MMD: variants seen among roughly 807,000 people sequenced by gnomAD.
MMD encodes the protein monocyte to macrophage differentiation factor.
Under a neutral mutation model 33.6 loss-of-function variants are expected in MMD, and 22 were observed. That is an observed-to-expected ratio of 0.66 (90% CI 0.47 to 0.94). The LOEUF (loss-of-function observed/expected upper bound fraction) is 0.94. MMD is among the 40% of genes least tolerant of loss of function. The probability of loss-of-function intolerance (pLI) is 0.00; values close to 1 mark genes in which losing one functional copy is unlikely to be tolerated. For missense variants in MMD, 242 were observed against 309.8 expected (o/e 0.78, Z 1.64); for synonymous variants, 97 against 103.2 (o/e 0.94, Z 0.36).
chr17:55,421,180 A>T (rs1363096091), intron 1 of MMD, among the ~76,000 whole-genome samples: 5 of 152,030 alleles, frequency 3.3e-5, no homozygotes, highest in Non-Finnish European at 7.4e-5. Context: ...AATGCCTAGC[A>T]CCCCGCTTTA....
chr17:55,411,285 T>C lies in MMD; in HGVS notation c.241A>G (p.Ile81Val). The C allele has an allele frequency of 6.2e-7, 1 of 1,613,602 alleles. No homozygotes were observed. The highest frequency in any genetic ancestry group is 8.5e-7 in the Non-Finnish European group (1 of 1,179,862). ...ALFIVSTVFH[I>V]VSWKKSHLRT... ...AAGTGGCTCTTTTTCCATGATACAA[T>C]GTGAAATACTGTAGAAACGATGAAG... The change falls in exon 3 of 7, where the codon ATT becomes GTT. Residue 81 changes from isoleucine to valine, a missense_variant. Physicochemically the swap from Ile to Val is conservative, Grantham distance 29. Transcript: ENST00000262065.
intron 1 of MMD, among the ~76,000 whole-genome samples, chr17:55,414,471 C>G (rs956013826): frequency 6.6e-6 from 1 of 150,508 alleles, no homozygotes; most frequent in Non-Finnish European, 1.5e-5. Context: ...AAAAGAAAAA[C>G]CTTCCATAAC....
At chr17:55,402,763 A>G (rs1411849178) in intron 5 of MMD, among the ~76,000 whole-genome samples, 1 of 152,236 alleles carries the variant, frequency 6.6e-6, no homozygotes, top group Non-Finnish European at 1.5e-5. Flanking sequence ...CAAGAAGCAA[A>G]CCATTCCCTT....
At chr17:55,414,323 C>G (rs1051951885) in intron 1 of MMD, 91 bp from the exon 2 acceptor site, 1 of 1,196,878 alleles carries the variant, frequency 8.4e-7, no homozygotes, top group African/African-American at 1.5e-5. Flanking sequence ...GTCTATTCTA[C>G]GCAAAGAAGT....
At chr17:55,407,086 T>G (rs1473505141) in intron 4 of MMD, among the ~76,000 whole-genome samples, 1 of 151,968 alleles carries the variant, frequency 6.6e-6, no homozygotes, top group Non-Finnish European at 1.5e-5. Context: ...CCCAGCACTT[T>G]GGGAGATCAA....
intron 6 of MMD, 152 bp from the exon 7 acceptor site, chr17:55,394,686 A>T (rs2143111747): frequency 1.5e-6 from 1 of 676,060 alleles, no homozygotes; most frequent in Middle Eastern, 4.4e-4. Context: ...AACCAAACAT[A>T]AAAAAAGTCT....
Position 55,411,391 on chromosome 17 carries a change from GC to G in MMD, c.134del (p.Gly45AlafsTer16). On this transcript the variant is annotated frameshift_variant, in exon 3 of 7. Transcript: ENST00000262065. LOFTEE classifies it high-confidence loss of function. ...CAGACAGCCGATGGAGGAGGGCACT[GC>G]CCACGATGGCCGGAACAATGAGGAA... ...HAFLIVPAIV[G>X]SALLHRLSDD... 6.2e-7 allele frequency: 1 copy of G among 1,613,622 alleles called. No individual in the cohort carries two copies. Among genetic ancestry groups the G allele is most frequent in the Non-Finnish European group, 8.5e-7 (1 of 1,179,854 alleles).
chr17:55,419,774 A>G (rs909196072), intron 1 of MMD, among the ~76,000 whole-genome samples: 11 of 152,248 alleles, frequency 7.2e-5, no homozygotes, highest in African/African-American at 2.7e-4. Flanking sequence ...AAATCTTCAA[A>G]GAAAATCAGG....
chr17:55,405,277 G>T (rs1907498164), intron 4 of MMD, among the ~76,000 whole-genome samples: 1 of 151,824 alleles, frequency 6.6e-6, no homozygotes, highest in Non-Finnish European at 1.5e-5. Context: ...GGCTGACGCA[G>T]GAGAATCTCT....
chr17:55,400,240 A>T (rs1907273261), intron 6 of MMD, among the ~76,000 whole-genome samples: 1 of 152,196 alleles, frequency 6.6e-6, no homozygotes, highest in Non-Finnish European at 1.5e-5. Context: ...ACCAGGAAAA[A>T]AACTATCACA....
intron 1 of MMD, among the ~76,000 whole-genome samples, chr17:55,421,461 C>T (rs1908185239): frequency 6.6e-6 from 1 of 152,180 alleles, no homozygotes; most frequent in Non-Finnish European, 1.5e-5. Flanking sequence ...GAGGGGAGAC[C>T]CGGGTGAGGC....
chr17:55,418,544 G>A (rs759182641), intron 1 of MMD, among the ~76,000 whole-genome samples: 3 of 152,264 alleles, frequency 2.0e-5, no homozygotes, highest in East Asian at 1.9e-4. Context: ...CCAAGACAAC[G>A]GATATTCCAA....
At chr17:55,406,498 T>C (rs758416993) in intron 4 of MMD, among the ~76,000 whole-genome samples, 39 of 148,908 alleles carry the variant, frequency 2.6e-4, no homozygotes, top group Non-Finnish European at 3.9e-4. Flanking sequence ...GAGGTGGAGG[T>C]TGCATGAGCT....
intron 1 of MMD, among the ~76,000 whole-genome samples, chr17:55,415,439 C>T (rs1907930448): frequency 6.6e-6 from 1 of 152,062 alleles, no homozygotes; most frequent in South Asian, 2.1e-4. Flanking sequence ...GTATTTTGTG[C>T]CACTAATGAG....
At chr17:55,421,005 C>A (rs924421760) in intron 1 of MMD, among the ~76,000 whole-genome samples, 1 of 152,218 alleles carries the variant, frequency 6.6e-6, no homozygotes, top group South Asian at 2.1e-4. Flanking sequence ...CACAGCAGGT[C>A]TCGCCACCCG....
chr17:55,407,327 T>C (rs7220869), intron 4 of MMD, among the ~76,000 whole-genome samples: 4,125 of 151,000 alleles, frequency 0.027, 203 homozygotes, highest in African/African-American at 0.096. Flanking sequence ...AATAAATAAA[T>C]AAATAAATAA....
chr17:55,407,715 T>C (rs748299202), intron 4 of MMD, 31 bp downstream of exon 4: 27 of 1,574,208 alleles, frequency 1.7e-5, no homozygotes, highest in Non-Finnish European at 2.3e-5. Context: ...ATAAAATCAC[T>C]ACCTTCGAAA....
Position 55,393,193 on chromosome 17 carries a change from T to G in MMD, c.*1141A>C, listed in dbSNP as rs569969362. The G allele has an allele frequency of 6.6e-6, 1 of 151,070 alleles. No homozygotes were observed. The highest frequency in any genetic ancestry group is 2.4e-5 in the African/African-American group (1 of 41,010). The allele number at this position is 151,070 out of a possible 1,614,324, so 9.4% of individuals were successfully genotyped here. ...CTCCACTGAGCCAGGATATAACTCA[T>G]GGACTACAGATACATGAGTTTCTAC... On this transcript the variant is annotated 3_prime_UTR_variant, in exon 7 of 7. Coordinates refer to ENST00000262065, the MANE Select transcript of MMD (RefSeq NM_012329.3).
intron 4 of MMD, among the ~76,000 whole-genome samples, chr17:55,406,682 C>T (rs976468005): frequency 6.6e-6 from 1 of 151,556 alleles, no homozygotes; most frequent in Non-Finnish European, 1.5e-5. Flanking sequence ...GAGTTCGATA[C>T]CAACCTGGTA....
Sources: gnomAD v4.1 joint callset for allele counts (sites outside exome capture counted in the v4.1 genomes callset) on GRCh38, gnomAD v4.1.1 for gene constraint, MANE v1.5 for transcripts, NCBI Gene and HGNC (gene_info 2026-07-23, HGNC 2026-07-21) for gene names.